The following ENTREP2 variants were observed in gnomAD, a reference collection of about 807,000 sequenced individuals.
The protein encoded by ENTREP2 is endosomal transmembrane epsin interactor 2.
At chr15:29,247,747 A>AG in the ENTREP2 span, among the ~76,000 whole-genome samples, 1 of 151,778 alleles carries the variant, frequency 6.6e-6, no homozygotes. Context: ...GTAAAAAAAA[A>AG]GTAGCCCATG....
chr15:29,387,187 T>C, the ENTREP2 span, among the ~76,000 whole-genome samples: 1 of 152,220 alleles, frequency 6.6e-6, no homozygotes, highest in African/African-American at 2.4e-5. Context: ...ATACCTAATT[T>C]ATTGAGAGTT....
chr15:29,233,325 G>T, the ENTREP2 span, among the ~76,000 whole-genome samples: 9 of 152,172 alleles, frequency 5.9e-5, no homozygotes, highest in Admixed American at 1.3e-4. Context: ...GAATATTACT[G>T]TGTTTAAATA....
the ENTREP2 span, among the ~76,000 whole-genome samples, chr15:29,534,884 A>C: frequency 6.6e-6 from 1 of 152,242 alleles, no homozygotes; most frequent in Non-Finnish European, 1.5e-5. Flanking sequence ...CTGATAAGTG[A>C]ATGACTGATA....
chr15:29,238,483 A>C, the ENTREP2 span, among the ~76,000 whole-genome samples: 6 of 151,488 alleles, frequency 4.0e-5, no homozygotes, highest in East Asian at 1.2e-3. Context: ...AAAAATACAA[A>C]AAATTATTCA....
At chr15:29,511,344 CT>C in the ENTREP2 span, among the ~76,000 whole-genome samples, 136 of 136,840 alleles carry the variant, frequency 9.9e-4, no homozygotes, top group South Asian at 1.6e-3. Flanking sequence ...TTTTTCTTTT[CT>C]TTTTTTTTTT....
chr15:29,127,354 C>G, the ENTREP2 span, among the ~76,000 whole-genome samples: 1 of 152,188 alleles, frequency 6.6e-6, no homozygotes, highest in East Asian at 1.9e-4. Flanking sequence ...GCATGGGGGA[C>G]ACTTCATAGA....
the ENTREP2 span, among the ~76,000 whole-genome samples, chr15:29,507,337 A>G: frequency 2.0e-5 from 3 of 152,342 alleles, no homozygotes; most frequent in East Asian, 5.8e-4. Context: ...TGTTGATATT[A>G]GACAGATCAA....
the ENTREP2 span, among the ~76,000 whole-genome samples, chr15:29,626,368 T>C: frequency 1.3e-5 from 2 of 152,160 alleles, no homozygotes; most frequent in African/African-American, 4.8e-5. Context: ...AGTGAATAAG[T>C]CTCATGAGAT....
the ENTREP2 span, among the ~76,000 whole-genome samples, chr15:29,195,792 TG>T: frequency 2.0e-5 from 3 of 152,332 alleles, no homozygotes; most frequent in South Asian, 6.2e-4. Context: ...CCCAAAGTGC[TG>T]GGATTACAGG....
chr15:29,570,586 G>A, the ENTREP2 span: 2 of 1,467,402 alleles, frequency 1.4e-6, no homozygotes, highest in Non-Finnish European at 1.8e-6. Context: ...TGACTGCCAC[G>A]ATGAGGCATC....
chr15:29,308,929 T>C, the ENTREP2 span, among the ~76,000 whole-genome samples: 1 of 152,158 alleles, frequency 6.6e-6, no homozygotes, highest in Non-Finnish European at 1.5e-5. Context: ...TGTGAAATGA[T>C]TCTTACTCCT....
At chr15:29,423,622 C>G in the ENTREP2 span, among the ~76,000 whole-genome samples, 1 of 93,048 alleles carries the variant, frequency 1.1e-5, no homozygotes, top group East Asian at 3.2e-4. Context: ...CCCATCTCTA[C>G]TAAAAATACA....
At chr15:29,287,463 T>C in the ENTREP2 span, among the ~76,000 whole-genome samples, 3 of 151,250 alleles carry the variant, frequency 2.0e-5, no homozygotes, top group Non-Finnish European at 2.9e-5. Context: ...TTTTAAGCCA[T>C]TACCTTTTGA....
At chr15:29,212,132 A>T in the ENTREP2 span, among the ~76,000 whole-genome samples, 1 of 151,958 alleles carries the variant, frequency 6.6e-6, no homozygotes, top group African/African-American at 2.4e-5. Context: ...GGTAATTTTT[A>T]AATTGTCATT....
At chr15:29,478,020 T>TATATATATATA in the ENTREP2 span, among the ~76,000 whole-genome samples, 27 of 37,794 alleles carry the variant, frequency 7.1e-4, no homozygotes, top group African/African-American at 4.7e-3. Flanking sequence ...TATATATATA[T>TATATATATATA]TTTTTTTTTT....
chr15:29,370,664 C>T, the ENTREP2 span, among the ~76,000 whole-genome samples: 10 of 152,168 alleles, frequency 6.6e-5, no homozygotes, highest in South Asian at 1.9e-3. Context: ...GATACCCCGG[C>T]CCTATGCCAA....
chr15:29,320,317 A>C, the ENTREP2 span, among the ~76,000 whole-genome samples: 1 of 152,206 alleles, frequency 6.6e-6, no homozygotes, highest in Non-Finnish European at 1.5e-5. Context: ...AGACAAGAAA[A>C]GGACAAAAAC....
At chr15:29,216,472 C>T in the ENTREP2 span, among the ~76,000 whole-genome samples, 22 of 152,052 alleles carry the variant, frequency 1.4e-4, no homozygotes, top group African/African-American at 5.1e-4. Flanking sequence ...GATGGATTTC[C>T]CAGGTGTTCT....
At chr15:29,346,320 G>A in the ENTREP2 span, among the ~76,000 whole-genome samples, 1 of 152,148 alleles carries the variant, frequency 6.6e-6, no homozygotes, top group African/African-American at 2.4e-5. Flanking sequence ...CACCGGCCGG[G>A]GACTGCTTGT....
Sources: allele counts gnomAD v4.1 joint callset (sites outside exome capture counted in the v4.1 genomes callset), GRCh38; gene constraint gnomAD v4.1.1; transcripts MANE v1.5; gene names NCBI Gene and HGNC (gene_info 2026-07-23, HGNC 2026-07-21).